The following PMS2 variants were observed in gnomAD, a reference collection of about 807,000 sequenced individuals.
PMS2 encodes mismatch repair endonuclease PMS2.
Under a neutral mutation model 90.0 loss-of-function variants are expected in PMS2, and 69 were observed. That is an observed-to-expected ratio of 0.77 (90% CI 0.63 to 0.94). PMS2 has a LOEUF of 0.94. Among genes scored for constraint, PMS2 ranks in the 40% least tolerant of loss-of-function variants. PMS2 has a pLI of 0.00. For missense variants in PMS2, 966 were observed against 1,040.2 expected (o/e 0.93, Z 0.98); for synonymous variants, 332 against 375.1 (o/e 0.89, Z 1.33).
intron 1 of PMS2, among the ~76,000 whole-genome samples, chr7:6,006,661 T>C (rs2128851893): frequency 6.6e-6 from 1 of 151,892 alleles, no homozygotes; most frequent in South Asian, 2.1e-4. Context: ...GAAAGTAACA[T>C]AATTTCCCAA....
chr7:5,993,099 G>A (rs749274812), intron 8 of PMS2, among the ~76,000 whole-genome samples: 23 of 152,130 alleles, frequency 1.5e-4, no homozygotes, highest in African/African-American at 4.8e-4. Flanking sequence ...GGCTGGGAGC[G>A]GTGGCTCACG....
intron 1 of PMS2, 32 bp from the exon 2 acceptor site, chr7:6,006,063 G>T (rs1471514909): frequency 6.2e-7 from 1 of 1,607,914 alleles, no homozygotes; most frequent in Non-Finnish European, 8.5e-7. Context: ...AACAAATCAA[G>T]TATTCAGCTA....
intron 12 of PMS2, 22 bp from the exon 13 acceptor site, chr7:5,978,718 C>T: frequency 2.0e-6 from 3 of 1,530,546 alleles, no homozygotes; most frequent in Non-Finnish European, 2.7e-6. Flanking sequence ...AAAAATGATT[C>T]AAACCATATC....
intron 7 of PMS2, 90 bp from the exon 8 acceptor site, chr7:5,995,723 A>C (rs539099470): frequency 1.1e-6 from 1 of 905,418 alleles, no homozygotes; most frequent in African/African-American, 1.6e-5. Context: ...GTGAAATGAA[A>C]ACAAAACACC....
rs559354503 is a variant in PMS2, at chr7:5,977,010, G to C, written c.2445+578C>G. ...TGTGCCACTGCACTCCAGCCTGGGGGACAGAGGGAGAATCTGTCTAAAAAA... is the reference window on the plus strand; with the variant it reads ...TGTGCCACTGCACTCCAGCCTGGGGCACAGAGGGAGAATCTGTCTAAAAAA... On this transcript the variant is annotated intron_variant, in intron 14 of 14. Coordinates refer to ENST00000265849, the MANE Select transcript of PMS2 (RefSeq NM_000535.7). Among the ~76,000 whole-genome samples the C allele has an allele frequency of 2.0e-3, 238 of 118,000 alleles. 6 individuals are homozygous for C. Among genetic ancestry groups the C allele is most frequent in the African/African-American group, 7.1e-3 (231 of 32,312 alleles). 77.4% of individuals were successfully genotyped at this position (118,000 alleles called of 152,430 possible). A position where few individuals can be genotyped will look rare whatever the true frequency, so the allele number is the denominator to read the frequency against.
At chr7:5,986,595 G>A (rs1332350622) in intron 11 of PMS2, among the ~76,000 whole-genome samples, 164 bp downstream of exon 11, 1 of 149,190 alleles carries the variant, frequency 6.7e-6, no homozygotes, top group Admixed American at 6.7e-5. Flanking sequence ...AGGAGGCTGA[G>A]GCAGGAGAAA....
Position 5,999,204 on chromosome 7 carries a change from G to A in PMS2, c.609C>T (p.Thr203=), listed in dbSNP as rs756293281. The A allele has an allele frequency of 6.2e-7, 1 of 1,613,272 alleles. No homozygotes were observed. Residue 203 remains threonine (T), a synonymous_variant, in exon 6 of 15, where the codon ACC becomes ACT. Coordinates refer to ENST00000265849, the MANE Select transcript of PMS2 (RefSeq NM_000535.7). ...IISAGIRVSC[T]NQLGQGKRQP... Reference sequence around the variant, plus strand: ...GTCGTTTTCCTTGTCCAAGCTGATTGGTGCAACTTACACGGATGCCTGCTG... The same window carrying A: ...GTCGTTTTCCTTGTCCAAGCTGATTAGTGCAACTTACACGGATGCCTGCTG...
intron 2 of PMS2, chr7:6,004,489 G>C: frequency 5.8e-6 from 1 of 171,728 alleles, no homozygotes; most frequent in Admixed American, 5.8e-5. Flanking sequence ...GCCAAAGCGA[G>C]CAGATCACCT....
rs570766133 is a variant in PMS2, at chr7:5,981,377, T to C, written c.2174+1447A>G. Among the ~76,000 whole-genome samples the C allele has an allele frequency of 2.4e-4, 36 of 150,100 alleles. No individual in the cohort carries two copies. In the South Asian group the frequency reaches 7.5e-3, roughly 31 times the overall value. On this transcript the variant is annotated intron_variant, in intron 12 of 14. Coordinates refer to ENST00000265849, the MANE Select transcript of PMS2 (RefSeq NM_000535.7). ...CTCCCACCTCAGCCTCCCGAATAGC[T>C]GGGACCACAGGCACACACCATCAAG...
chr7:5,993,231 C>T (rs1783958345), intron 8 of PMS2, among the ~76,000 whole-genome samples: 1 of 151,966 alleles, frequency 6.6e-6, no homozygotes, highest in Admixed American at 6.6e-5. Flanking sequence ...ATTAGCCAGG[C>T]ATGGCAGCAT....
intron 12 of PMS2, among the ~76,000 whole-genome samples, chr7:5,979,462 C>T (rs1240813333): frequency 2.7e-5 from 4 of 149,608 alleles, no homozygotes; most frequent in Non-Finnish European, 5.9e-5. Flanking sequence ...GCCAATGACT[C>T]CCACTTTTTC....
chr7:5,982,986 G>A lies in PMS2; in HGVS notation c.2012C>T (p.Thr671Met), dbSNP rs587780046. 2.3e-4 allele frequency: 346 copies of A among 1,515,790 alleles called. 1 individual carries two copies. Among genetic ancestry groups the A allele is most frequent in the Middle Eastern group, 1.3e-3 (6 of 4,516 alleles). The allele number at this position is 1,515,790 out of a possible 1,614,324, so 93.9% of individuals were successfully genotyped here. ...AATGATTTCCATTTCTGCAAACATCGTTTTACTGCAGGTAGAAAATGTTAA... is the reference window on the plus strand; with the variant it reads ...AATGATTTCCATTTCTGCAAACATCATTTTACTGCAGGTAGAAAATGTTAA... ...EDELRKEISK[T>M]MFAEMEIIGQ... Residue 671 changes from threonine to methionine, a missense_variant, in exon 12 of 15, where the codon ACG becomes ATG. By Grantham distance (81) the Thr-to-Met change is moderately conservative (BLOSUM62 -1). Transcript: ENST00000265849.
chr7:5,991,494 A>G (rs1443671584), intron 9 of PMS2, among the ~76,000 whole-genome samples: 1 of 151,896 alleles, frequency 6.6e-6, no homozygotes, highest in Non-Finnish European at 1.5e-5. Flanking sequence ...TTTTCCTAAC[A>G]ATATAATTAA....
chr7:5,982,391 G>A (rs1390248557), intron 12 of PMS2, among the ~76,000 whole-genome samples: 2 of 152,156 alleles, frequency 1.3e-5, no homozygotes, highest in African/African-American at 2.4e-5. Context: ...TTTTAGTAGA[G>A]ACAGGTCTCA....
At chr7:5,986,674 A>G (rs1011702288) in intron 11 of PMS2, 85 bp downstream of exon 11, 10 of 1,105,758 alleles carry the variant, frequency 9.0e-6, no homozygotes, top group African/African-American at 3.2e-5. Context: ...CCTGCGCAAC[A>G]GAGCAAGACT....
intron 8 of PMS2, among the ~76,000 whole-genome samples, chr7:5,995,221 G>A (rs912437910): frequency 3.9e-5 from 6 of 152,034 alleles, no homozygotes; most frequent in African/African-American, 1.4e-4. Context: ...TATTTTAGTA[G>A]AGACGGGGTT....
rs1802683 is a variant in PMS2 at position 5,973,418 on chromosome 7, C to G, written c.2570G>C (p.Gly857Ala). The change falls in exon 15 of 15, where the codon GGT (glycine) becomes GCT (alanine). Residue 857 changes from glycine to alanine, a missense_variant. Transcript: ENST00000265849. ...RPTMRHIANL[G>A]VISQN ...CTACGGTCAGTTCTGAGAAATGACA[C>G]CCAGGTTGGCGATGTGTCTCATGGT... 0.29 allele frequency: 280,526 copies of G among 970,742 alleles called. 28,506 individuals carry two copies. The highest frequency in any genetic ancestry group is 0.36 in the African/African-American group (16,754 of 46,130). 60.1% of individuals were successfully genotyped at this position (970,742 alleles called of 1,614,324 possible).
In PMS2 at chr7:5,988,695, T is replaced by C. The variant is rs527565783; in HGVS notation, c.1145-1075A>G. On this transcript the variant is annotated intron_variant, in intron 10 of 14. Coordinates refer to ENST00000265849, the MANE Select transcript of PMS2 (RefSeq NM_000535.7). ...CACAAATGATGATATCTGACTATAATGGAACACTGTATAGCGAACGAATAA... is the reference window on the plus strand; with the variant it reads ...CACAAATGATGATATCTGACTATAACGGAACACTGTATAGCGAACGAATAA... Among the ~76,000 whole-genome samples the C allele has an allele frequency of 1.1e-4, 16 of 152,354 alleles. No homozygotes were observed. The South Asian group carries it at 1.4e-3, about 14-fold the overall frequency.
intron 1 of PMS2, among the ~76,000 whole-genome samples, chr7:6,007,358 C>T (rs1164468863): frequency 6.6e-6 from 1 of 152,008 alleles, no homozygotes. Context: ...TCAGGTGATC[C>T]GCCTGCCTCG....
Sources: gnomAD v4.1 joint callset for allele counts (sites outside exome capture counted in the v4.1 genomes callset) on GRCh38, gnomAD v4.1.1 for gene constraint, MANE v1.5 for transcripts, NCBI Gene and HGNC (gene_info 2026-07-23, HGNC 2026-07-21) for gene names.